The following AKAP19 variants were observed in gnomAD, a reference collection of about 807,000 sequenced individuals.
The protein encoded by AKAP19 is small A-kinase anchoring protein.
At chr2:190,184,497 G>A in the AKAP19 span, among the ~76,000 whole-genome samples, 3 of 152,126 alleles carry the variant, frequency 2.0e-5, no homozygotes, top group Non-Finnish European at 2.9e-5. Context: ...GTAGAGAACT[G>A]TTCTGTACAA....
At chr2:190,013,308 G>T in the AKAP19 span, among the ~76,000 whole-genome samples, 1 of 152,050 alleles carries the variant, frequency 6.6e-6, no homozygotes, top group Non-Finnish European at 1.5e-5. Flanking sequence ...GGTCTGTTCA[G>T]ATTTTCTTTC....
the AKAP19 span, chr2:189,923,584 C>G: frequency 1.9e-6 from 3 of 1,614,032 alleles, no homozygotes; most frequent in African/African-American, 1.3e-5. Flanking sequence ...TAGATATTAA[C>G]CTGGCTGCAG....
the AKAP19 span, among the ~76,000 whole-genome samples, chr2:189,976,457 T>A: frequency 1.3e-5 from 2 of 152,200 alleles, no homozygotes; most frequent in Non-Finnish European, 2.9e-5. Context: ...CTGACCATTC[T>A]CAGATCTCCA....
chr2:190,152,599 A>G, the AKAP19 span, among the ~76,000 whole-genome samples: 1 of 152,198 alleles, frequency 6.6e-6, no homozygotes, highest in Admixed American at 6.5e-5. Flanking sequence ...TCAGAATTTC[A>G]TAGGCTATTT....
the AKAP19 span, chr2:190,089,621 A>G: frequency 2.6e-5 from 4 of 152,168 alleles, no homozygotes; most frequent in Non-Finnish European, 4.4e-5. Flanking sequence ...AAGGATTTCA[A>G]CGCCAGTTCT....
the AKAP19 span, among the ~76,000 whole-genome samples, chr2:189,890,536 A>G: frequency 2.0e-5 from 3 of 152,138 alleles, no homozygotes; most frequent in South Asian, 2.1e-4. Context: ...GTCTCCCACT[A>G]TTATTGTGTG....
chr2:190,015,436 C>G, the AKAP19 span, among the ~76,000 whole-genome samples: 2 of 152,172 alleles, frequency 1.3e-5, no homozygotes, highest in Admixed American at 1.3e-4. Flanking sequence ...GGTGCCAAGT[C>G]CCGAGGCTGC....
the AKAP19 span, among the ~76,000 whole-genome samples, chr2:190,191,870 G>A: frequency 2.0e-4 from 30 of 151,490 alleles, no homozygotes; most frequent in African/African-American, 7.3e-4. Flanking sequence ...TCATTTATTG[G>A]CTAGATGATG....
chr2:190,150,017 G>T, the AKAP19 span, among the ~76,000 whole-genome samples: 1 of 152,074 alleles, frequency 6.6e-6, no homozygotes, highest in Non-Finnish European at 1.5e-5. Context: ...GCAGTCACAG[G>T]CCTCACCCAG....
chr2:190,081,674 C>G, the AKAP19 span, among the ~76,000 whole-genome samples: 1 of 152,048 alleles, frequency 6.6e-6, no homozygotes, highest in Non-Finnish European at 1.5e-5. Context: ...AATTTAAACT[C>G]CCCTATAGAT....
At chr2:190,076,071 A>G in the AKAP19 span, among the ~76,000 whole-genome samples, 1 of 152,184 alleles carries the variant, frequency 6.6e-6, no homozygotes, top group Non-Finnish European at 1.5e-5. Flanking sequence ...TACCTATGTT[A>G]TAAATTCCCT....
At chr2:189,978,636 A>G in the AKAP19 span, among the ~76,000 whole-genome samples, 60 of 152,290 alleles carry the variant, frequency 3.9e-4, no homozygotes, top group African/African-American at 1.2e-3. Context: ...ATTAAAAAAT[A>G]AGTGAAAACA....
At chr2:190,179,692 T>C in the AKAP19 span, among the ~76,000 whole-genome samples, 7,178 of 152,280 alleles carry the variant, frequency 0.047, 550 homozygotes, top group African/African-American at 0.16. The surrounding 1 kb of genome is among the most constrained non-coding windows in gnomAD (Gnocchi z 6.0). Context: ...TTTACTATAA[T>C]GTACCTTCAA....
At chr2:189,912,608 A>G in the AKAP19 span, among the ~76,000 whole-genome samples, 1 of 152,162 alleles carries the variant, frequency 6.6e-6, no homozygotes, top group Admixed American at 6.5e-5. Context: ...TATGAAGGCC[A>G]AGGACTTTTG....
At chr2:190,063,618 T>A in the AKAP19 span, among the ~76,000 whole-genome samples, 2 of 152,152 alleles carry the variant, frequency 1.3e-5, no homozygotes, top group African/African-American at 2.4e-5. Context: ...ATCTATTCTC[T>A]ATAAATTATA....
At chr2:189,928,536 G>T in the AKAP19 span, among the ~76,000 whole-genome samples, 3 of 152,108 alleles carry the variant, frequency 2.0e-5, no homozygotes, top group East Asian at 3.9e-4. Flanking sequence ...TAATTGGGTG[G>T]ATATAAATTA....
the AKAP19 span, among the ~76,000 whole-genome samples, chr2:190,045,818 C>G: frequency 1.3e-5 from 2 of 152,168 alleles, no homozygotes; most frequent in Admixed American, 6.5e-5. Context: ...TTTGCCAGAG[C>G]TGCAGCTACT....
the AKAP19 span, among the ~76,000 whole-genome samples, chr2:190,065,136 A>T: frequency 6.6e-6 from 1 of 151,972 alleles, no homozygotes; most frequent in Non-Finnish European, 1.5e-5. Context: ...ATGTTTTCAC[A>T]TATTTTGTGC....
chr2:189,951,376 A>C, the AKAP19 span, among the ~76,000 whole-genome samples: 1 of 151,694 alleles, frequency 6.6e-6, no homozygotes, highest in African/African-American at 2.4e-5. Context: ...TAATTTTTGT[A>C]TTTTTGGTAG....
Sources: allele counts gnomAD v4.1 joint callset (sites outside exome capture counted in the v4.1 genomes callset), GRCh38; gene constraint gnomAD v4.1.1; non-coding constraint Gnocchi (gnomAD v3.1); transcripts MANE v1.5; gene names NCBI Gene and HGNC (gene_info 2026-07-23, HGNC 2026-07-21).